Variants in CD9 observed in about 807,000 individuals in gnomAD.
CD9 encodes the protein CD9 molecule, also known as CD9 antigen.
A neutral mutation model predicts 31.4 loss-of-function variants in CD9; 10 were observed. That is an observed-to-expected ratio of 0.32 (90% CI 0.20 to 0.54). CD9 has a LOEUF of 0.54. Among genes scored for constraint, CD9 ranks in the 20% least tolerant of loss-of-function variants. The probability of loss-of-function intolerance (pLI) is 0.94; values close to 1 mark genes in which losing one functional copy is unlikely to be tolerated. For synonymous variants in CD9, 113 were observed against 114.1 expected (o/e 0.99, Z 0.06); for missense variants, 259 against 300.1 (o/e 0.86, Z 1.01).
At chr12:6,234,360 C>G (rs903173781) in intron 4 of CD9, 1 of 151,934 alleles carries the variant, frequency 6.6e-6, no homozygotes, top group African/African-American at 2.4e-5. Flanking sequence ...ACTAGTCAAG[C>G]GCGGTAGTGA....
intron 1 of CD9, among the ~76,000 whole-genome samples, chr12:6,203,706 C>A (rs1274419972): frequency 6.6e-6 from 1 of 152,096 alleles, no homozygotes; most frequent in Non-Finnish European, 1.5e-5. Context: ...GCCCACCCCC[C>A]AAAAAACAGT....
chr12:6,227,445 G>A (rs906423877), intron 2 of CD9, among the ~76,000 whole-genome samples: 1 of 152,152 alleles, frequency 6.6e-6, no homozygotes, highest in African/African-American at 2.4e-5. Context: ...TGATCCTCCC[G>A]TCTTGGCTTC....
intron 1 of CD9, among the ~76,000 whole-genome samples, chr12:6,208,736 T>C (rs1946160717): frequency 6.6e-6 from 1 of 151,952 alleles, no homozygotes; most frequent in Non-Finnish European, 1.5e-5. Context: ...CATGCCCGGC[T>C]AATTTTTAGT....
chr12:6,214,273 T>A (rs1224899685), intron 1 of CD9, among the ~76,000 whole-genome samples: 1 of 151,914 alleles, frequency 6.6e-6, no homozygotes, highest in African/African-American at 2.4e-5. Context: ...ACATAGTAAC[T>A]TCTACTGTTA....
At chr12:6,233,021 C>A in intron 3 of CD9, 1 of 702,416 alleles carries the variant, frequency 1.4e-6, no homozygotes, top group Non-Finnish European at 2.6e-6. Flanking sequence ...TTTGCCTTCT[C>A]CTTCTTGTTT....
intron 2 of CD9, among the ~76,000 whole-genome samples, chr12:6,228,601 G>GCA (rs1039469557): frequency 1.3e-5 from 2 of 149,808 alleles, no homozygotes; most frequent in African/African-American, 4.9e-5. Flanking sequence ...AGCACTCTGA[G>GCA]CACTGCTTAG....
chr12:6,221,992 T>C (rs1372645479), intron 1 of CD9, among the ~76,000 whole-genome samples: 1 of 151,962 alleles, frequency 6.6e-6, no homozygotes, highest in African/African-American at 2.4e-5. Flanking sequence ...CAAGACCCTG[T>C]CTCAAAAAAT....
intron 7 of CD9, among the ~76,000 whole-genome samples, chr12:6,237,392 A>G (rs1946535942): frequency 6.6e-6 from 1 of 151,640 alleles, no homozygotes; most frequent in African/African-American, 2.4e-5. Context: ...CAAAAGAAAA[A>G]AAAAAGAGTA....
intron 1 of CD9, among the ~76,000 whole-genome samples, chr12:6,201,764 C>G (rs1042114529): frequency 6.6e-6 from 1 of 152,190 alleles, no homozygotes; most frequent in Non-Finnish European, 1.5e-5. Flanking sequence ...CTTGGCCAGG[C>G]ACAGTGGCTC....
At position 6,232,695 on chromosome 12, in the gene CD9, G is replaced by T; in HGVS notation, c.239G>T (p.Gly80Val). The T allele has an allele frequency of 6.3e-7, 1 of 1,575,244 alleles. No homozygotes were observed. Among genetic ancestry groups the T allele is most frequent in the East Asian group, 2.3e-5 (1 of 43,150 alleles). Residue 80 changes from glycine to valine, a missense_variant, in exon 3 of 8, where the codon GGG becomes GTG. Physicochemically the swap from Gly to Val is moderately radical, Grantham distance 109. Transcript: ENST00000009180. The surrounding 1 kb of genome is among the most constrained non-coding windows in gnomAD (Gnocchi z 4.8). ...MMLVGFLGCCGAVQESQCMLG... is the reference protein window; with the variant it reads ...MMLVGFLGCCVAVQESQCMLG... Reference sequence around the variant, plus strand: ...CTGGTGGGCTTCCTGGGCTGCTGCGGGGCTGTGCAGGAGTCCCAGTGCATG... The same window carrying T: ...CTGGTGGGCTTCCTGGGCTGCTGCGTGGCTGTGCAGGAGTCCCAGTGCATG...
chr12:6,230,980 T>C (rs760859354), intron 2 of CD9, among the ~76,000 whole-genome samples: 1 of 152,188 alleles, frequency 6.6e-6, no homozygotes, highest in African/African-American at 2.4e-5. Flanking sequence ...GCAGACTGCA[T>C]GGTTTGTTGC....
At chr12:6,234,878 A>G (rs1246225198) in intron 4 of CD9, among the ~76,000 whole-genome samples, 1 of 152,246 alleles carries the variant, frequency 6.6e-6, no homozygotes, top group African/African-American at 2.4e-5. Flanking sequence ...GAAGCCTGAG[A>G]AAATAGTCAG....
intron 2 of CD9, among the ~76,000 whole-genome samples, chr12:6,226,705 G>A (rs182114881): frequency 2.6e-5 from 4 of 152,160 alleles, no homozygotes; most frequent in Admixed American, 6.5e-5. Flanking sequence ...CTCTATTATC[G>A]GAAAGAAAGT....
At chr12:6,215,656 G>A (rs921141729) in intron 1 of CD9, among the ~76,000 whole-genome samples, 2 of 152,206 alleles carry the variant, frequency 1.3e-5, no homozygotes, top group African/African-American at 4.8e-5. Flanking sequence ...TGTCTGGAGA[G>A]GAGAGATGGC....
At chr12:6,224,115 T>G (rs901960776) in intron 1 of CD9, among the ~76,000 whole-genome samples, 1 of 152,108 alleles carries the variant, frequency 6.6e-6, no homozygotes, top group Non-Finnish European at 1.5e-5. Flanking sequence ...GCAGGGCTGG[T>G]GGGGCTTCAT....
intron 7 of CD9, 200 bp downstream of exon 7, chr12:6,236,475 G>T: frequency 1.7e-6 from 1 of 595,184 alleles, no homozygotes. Context: ...CTCCTGAGTG[G>T]AGTATCTGAG....
At chr12:6,212,425 C>G (rs549588404) in intron 1 of CD9, among the ~76,000 whole-genome samples, 13 of 152,352 alleles carry the variant, frequency 8.5e-5, no homozygotes, top group African/African-American at 2.4e-4. Context: ...AGGGAATGTT[C>G]TCTTGTAAAG....
intron 1 of CD9, 197 bp from the exon 2 acceptor site, chr12:6,225,229 T>C: frequency 1.7e-6 from 1 of 575,808 alleles, no homozygotes; most frequent in Non-Finnish European, 3.1e-6. Context: ...TCACTGTTTA[T>C]TCCTCGCTTG....
chr12:6,232,791 G>GCCCAGA lies in CD9; in HGVS notation c.273+71_273+76dup, dbSNP rs1565428882. 1.8e-6 allele frequency: 2 copies of GCCCAGA among 1,104,828 alleles called. No individual in the cohort carries two copies. Among genetic ancestry groups the GCCCAGA allele is most frequent in the Non-Finnish European group, 2.7e-6 (2 of 753,582 alleles). The allele number at this position is 1,104,828 out of a possible 1,614,324, so 68.4% of individuals were successfully genotyped here. ...CTCCCACCAACAAAAACCTCAGCAG[G>GCCCAGA]CCCAGACCCAGACCACAGAACAGAT... On this transcript the variant is annotated intron_variant, in intron 3 of 7. Transcript: ENST00000009180. This position sits in a 1 kb window ranked among gnomAD's most constrained non-coding sequence, Gnocchi z 4.8.
Sources: gnomAD v4.1 joint callset for allele counts (sites outside exome capture counted in the v4.1 genomes callset) on GRCh38, gnomAD v4.1.1 for gene constraint, Gnocchi (gnomAD v3.1) non-coding constraint, MANE v1.5 for transcripts, NCBI Gene and HGNC (gene_info 2026-07-23, HGNC 2026-07-21) for gene names.